Variants in TSKU observed in about 807,000 individuals in gnomAD.
TSKU encodes the protein tsukushi.
TSKU carries 4 observed loss-of-function variants against 11.2 expected under a neutral mutation model. The ratio of observed to expected loss-of-function variants is 0.36; its 90% confidence interval spans 0.18 to 0.82. The LOEUF (loss-of-function observed/expected upper bound fraction) is 0.82. Among genes scored for constraint, TSKU ranks in the 40% least tolerant of loss-of-function variants. TSKU has a pLI of 0.50. For synonymous variants in TSKU, 220 were observed against 232.2 expected (o/e 0.95, Z 0.48); for missense variants, 407 against 482.5 (o/e 0.84, Z 1.47).
Position 76,795,591 on chromosome 11 carries a change from C to T in TSKU, c.-8-18C>T. Reference sequence around the variant, plus strand: ...ACCATCTGGTGCATTCATTCCTCACCTGTGGCTCTCTTTCTAGCCCCCACC... The same window carrying T: ...ACCATCTGGTGCATTCATTCCTCACTTGTGGCTCTCTTTCTAGCCCCCACC... On this transcript the variant is annotated intron_variant, in intron 1 of 1. Coordinates refer to ENST00000333090, the MANE Select transcript of TSKU (RefSeq NM_015516.4). 6.2e-7 allele frequency: 1 copy of T among 1,600,806 alleles called. No individual in the cohort carries two copies. The highest frequency in any genetic ancestry group is 8.5e-7 in the Non-Finnish European group (1 of 1,177,538).
intron 1 of TSKU, among the ~76,000 whole-genome samples, chr11:76,789,830 A>G (rs1405594745): frequency 6.6e-6 from 1 of 152,076 alleles, no homozygotes; most frequent in East Asian, 1.9e-4. Flanking sequence ...CAGTGTGAAT[A>G]CTGTTACACA....
Position 76,797,557 on chromosome 11 carries a change from A to G in TSKU, c.*879A>G, listed in dbSNP as rs1238555485. 6.0e-6 allele frequency: 1 copy of G among 166,998 alleles called. No individual in the cohort carries two copies. The highest frequency in any genetic ancestry group is 1.5e-5 in the Non-Finnish European group (1 of 68,146). 10.3% of individuals were successfully genotyped at this position (166,998 alleles called of 1,614,324 possible). A position where few individuals can be genotyped will look rare whatever the true frequency, so the allele number is the denominator to read the frequency against. On this transcript the variant is annotated 3_prime_UTR_variant, in exon 2 of 2. Transcript: ENST00000333090. ...TTGGTTCCAGCCTAGCCAGTTTCTC[A>G]CCCTGGGTTGGGGTCCCCCAGCATC... is the stretch of plus-strand genomic sequence containing the variant.
At chr11:76,793,498 G>A (rs1346591447) in intron 1 of TSKU, among the ~76,000 whole-genome samples, 1 of 152,190 alleles carries the variant, frequency 6.6e-6, no homozygotes, top group Non-Finnish European at 1.5e-5. Flanking sequence ...GGCATTTCAC[G>A]GACCCCTTGT....
At chr11:76,787,658 G>C (rs777560121) in intron 1 of TSKU, among the ~76,000 whole-genome samples, 5 of 152,202 alleles carry the variant, frequency 3.3e-5, no homozygotes, top group Non-Finnish European at 7.3e-5. Flanking sequence ...GCATCTTCAC[G>C]TGGTGTCTGC....
intron 1 of TSKU, among the ~76,000 whole-genome samples, 173 bp downstream of exon 1, chr11:76,783,577 G>C (rs1944266933): frequency 6.6e-6 from 1 of 152,226 alleles, no homozygotes; most frequent in South Asian, 2.1e-4. Flanking sequence ...GGGCTGGGCG[G>C]GAGTGGGGAA....
Position 76,795,843 on chromosome 11 carries a change from C to T in TSKU, c.227C>T (p.Ser76Leu), listed in dbSNP as rs1486234266. 5 of 1,613,864 alleles carry T rather than the reference C, an allele frequency of 3.1e-6. No individual in the cohort carries two copies. The highest frequency in any genetic ancestry group is 1.3e-5 in the African/African-American group (1 of 74,914). Residue 76 changes from serine to leucine, a missense_variant, in exon 2 of 2, where the codon TCG becomes TTG. Physicochemically the swap from Ser to Leu is moderately radical, Grantham distance 145. Transcript: ENST00000333090. ...SSNRLEMVNE[S>L]VLAGPGYTTL... ...AACCGGCTGGAGATGGTGAATGAGTCGGTGTTGGCGGGGCCGGGCTACACG... is the reference window on the plus strand; with the variant it reads ...AACCGGCTGGAGATGGTGAATGAGTTGGTGTTGGCGGGGCCGGGCTACACG...
chr11:76,797,861 C>T lies in TSKU; in HGVS notation c.*1183C>T, dbSNP rs1944475609. The stretch of plus-strand genomic sequence containing the variant: ...GTCTTCATTTTATAAAAGTTGTTGC[C>T]TTTTTAACGGAGTGTCACTTTCAAC... On this transcript the variant is annotated 3_prime_UTR_variant, in exon 2 of 2. Transcript: ENST00000333090. 1 of 167,144 alleles carries T rather than the reference C, an allele frequency of 6.0e-6. No individual in the cohort carries two copies. The highest frequency in any genetic ancestry group is 2.4e-5 in the African/African-American group (1 of 41,468). The allele number at this position is 167,144 out of a possible 1,614,324, so 10.4% of individuals were successfully genotyped here. A position where few individuals can be genotyped will look rare whatever the true frequency, so the allele number is the denominator to read the frequency against.
chr11:76,792,971 G>A (rs1396943293), intron 1 of TSKU, among the ~76,000 whole-genome samples: 1 of 152,236 alleles, frequency 6.6e-6, no homozygotes, highest in Non-Finnish European at 1.5e-5. Flanking sequence ...GGCTCACAGA[G>A]TGACTGTGCG....
intron 1 of TSKU, among the ~76,000 whole-genome samples, chr11:76,793,348 G>A (rs1474471346): frequency 6.6e-6 from 1 of 152,250 alleles, no homozygotes; most frequent in East Asian, 1.9e-4. Flanking sequence ...AGAGGGCAGG[G>A]CAGAAATTGC....
chr11:76,786,757 G>A (rs577482728), intron 1 of TSKU, among the ~76,000 whole-genome samples: 2 of 152,200 alleles, frequency 1.3e-5, no homozygotes, highest in Admixed American at 6.5e-5. Flanking sequence ...TCTGTCACAG[G>A]CAACACAGCA....
intron 1 of TSKU, among the ~76,000 whole-genome samples, chr11:76,786,737 G>A (rs1003103669): frequency 6.6e-6 from 1 of 152,174 alleles, no homozygotes; most frequent in African/African-American, 2.4e-5. Context: ...ATTTGATGCT[G>A]AGCCCTCATT....
rs61895473 is a variant in TSKU, at chr11:76,791,197, A to C, written c.-8-4412A>C. ...TAAGCAGGAAAGCATTCAAGAGGTG[A>C]CCTGGGTGCTGTTAAAGGCATTCCG... On this transcript the variant is annotated intron_variant, in intron 1 of 1. Transcript: ENST00000333090. 4.6e-3 allele frequency among the ~76,000 whole-genome samples: 701 copies of C among 152,330 alleles called. 4 individuals are homozygous for C. Among genetic ancestry groups the C allele is most frequent in the Non-Finnish European group, 7.8e-3 (529 of 68,032 alleles).
rs778818837 is a variant in TSKU, at chr11:76,795,607, A to G, written c.-8-2A>G. The G allele has an allele frequency of 6.2e-7, 1 of 1,606,724 alleles. No homozygotes were observed. The highest frequency in any genetic ancestry group is 1.7e-5 in the Admixed American group (1 of 59,990). ...ATTCCTCACCTGTGGCTCTCTTTCT[A>G]GCCCCCACCATGCCGTGGCCCCTGC... On this transcript the variant is annotated splice_acceptor_variant, in intron 1 of 1. Transcript: ENST00000333090. LOFTEE classifies it low-confidence loss of function (5UTR_SPLICE).
rs1944445995 is a variant in TSKU, at chr11:76,796,213, G to A, written c.597G>A (p.Val199=). The A allele has an allele frequency of 5.0e-6, 8 of 1,613,578 alleles. No homozygotes were observed. Among genetic ancestry groups the A allele is most frequent in the Non-Finnish European group, 6.8e-6 (8 of 1,180,008 alleles). ...LNLAWNRLHA[V]PNLRDLPLRY... ...TGGCCTGGAACCGGCTCCATGCCGT[G>A]CCCAACCTCCGAGACTTGCCCCTGC... Residue 199 remains valine, a synonymous_variant, in exon 2 of 2, where the codon GTG becomes GTA. Transcript: ENST00000333090. The surrounding 1 kb of genome is among the most constrained non-coding windows in gnomAD (Gnocchi z 4.1).
chr11:76,788,291 C>T (rs1031834439), intron 1 of TSKU, among the ~76,000 whole-genome samples: 2 of 151,700 alleles, frequency 1.3e-5, no homozygotes, highest in African/African-American at 2.4e-5. Flanking sequence ...TGGAAGTTGT[C>T]GAGGGCGGTG....
At position 76,795,646 on chromosome 11, in the gene TSKU, C is replaced by T. The variant is rs148573319; in HGVS notation, c.30C>T (p.Ala10=). 4,886 of 1,613,004 alleles carry T rather than the reference C, an allele frequency of 3.0e-3. 32 individuals are homozygous for T. Among genetic ancestry groups the T allele is most frequent in the South Asian group, 0.014 (1,244 of 91,064 alleles). MPWPLLLLL[A]VSGAQTTRPC... ...CGTGGCCCCTGCTGCTGCTGCTGGC[C>T]GTGAGTGGGGCCCAGACAACCCGGC... The change falls in exon 2 of 2, where the codon GCC becomes GCT. Residue 10 remains alanine, a synonymous_variant. Coordinates refer to ENST00000333090, the MANE Select transcript of TSKU (RefSeq NM_015516.4).
In TSKU at chr11:76,796,659, G is replaced by T; in HGVS notation, c.1043G>T (p.Arg348Met). 3 of 1,449,476 alleles carry T rather than the reference G, an allele frequency of 2.1e-6. No individual in the cohort carries two copies. Among genetic ancestry groups the T allele is most frequent in the East Asian group, 2.5e-5 (1 of 39,878 alleles). 89.8% of individuals were successfully genotyped at this position (1,449,476 alleles called of 1,614,324 possible). A position where few individuals can be genotyped will look rare whatever the true frequency, so the allele number is the denominator to read the frequency against. ...HCVDTRDSAA[R>M]GPTIL ...GTAGACACCCGGGATTCTGCTGCCA[G>T]GGGCCCCACCATCTTGTGACAAATG... Residue 348 changes from arginine to methionine, a missense_variant, in exon 2 of 2, where the codon AGG becomes ATG. Coordinates refer to ENST00000333090, the MANE Select transcript of TSKU (RefSeq NM_015516.4). The surrounding 1 kb of genome is among the most constrained non-coding windows in gnomAD (Gnocchi z 4.1).
At position 76,796,141 on chromosome 11, in the gene TSKU, C is replaced by T. The variant is rs767069980; in HGVS notation, c.525C>T (p.His175=). ...SHNLIHRLVP[H]PTRAGLPAPT... ...ACCTCATTCACCGCCTCGTGCCCCA[C>T]CCCACGAGGGCCGGCCTGCCTGCGC... The change falls in exon 2 of 2, where the codon CAC becomes CAT. Residue 175 remains histidine (H), a synonymous_variant. Coordinates refer to ENST00000333090, the MANE Select transcript of TSKU (RefSeq NM_015516.4). The surrounding 1 kb of genome is among the most constrained non-coding windows in gnomAD (Gnocchi z 4.1). 6.2e-7 allele frequency: 1 copy of T among 1,613,834 alleles called. No individual in the cohort carries two copies. The highest frequency in any genetic ancestry group is 8.5e-7 in the Non-Finnish European group (1 of 1,180,034).
chr11:76,790,487 C>A (rs1389246457), intron 1 of TSKU, among the ~76,000 whole-genome samples: 1 of 151,960 alleles, frequency 6.6e-6, no homozygotes, highest in East Asian at 1.9e-4. Flanking sequence ...GTGTTAACTC[C>A]ATTTTAACTC....
Sources: allele counts gnomAD v4.1 joint callset (sites outside exome capture counted in the v4.1 genomes callset), GRCh38; gene constraint gnomAD v4.1.1; non-coding constraint Gnocchi (gnomAD v3.1); transcripts MANE v1.5; gene names NCBI Gene and HGNC (gene_info 2026-07-23, HGNC 2026-07-21).